LLGL1: variants seen among roughly 807,000 people sequenced by gnomAD.
The protein encoded by LLGL1 is LLGL scribble cell polarity complex component 1, also known as lethal(2) giant larvae protein homolog 1.
In LLGL1, 58 loss-of-function variants were observed where a neutral mutation model predicts 110.6. The observed-to-expected ratio is 0.52, with a 90% CI of 0.42 to 0.65. The LOEUF (loss-of-function observed/expected upper bound fraction) is 0.65. LLGL1 is among the 30% of genes least tolerant of loss of function. The pLI is 0.00. For missense variants in LLGL1, 1,229 were observed against 1,462.1 expected (o/e 0.84, Z 2.60); for synonymous variants, 674 against 607.2 (o/e 1.11, Z -1.62).
At chr17:18,231,369 C>T (rs2047563436) in intron 2 of LLGL1, among the ~76,000 whole-genome samples, 2 of 152,212 alleles carry the variant, frequency 1.3e-5, no homozygotes, top group Admixed American at 6.5e-5. Context: ...TCTCGCCAGG[C>T]TCCTGTAGGG....
Position 18,225,648 on chromosome 17 carries a change from CG to C in LLGL1, c.-33del, listed in dbSNP as rs1028410788. 1 of 960,276 alleles carries C rather than the reference CG, an allele frequency of 1.0e-6. No homozygotes were observed. Among genetic ancestry groups the C allele is most frequent in the African/African-American group, 1.8e-5 (1 of 56,052 alleles). 59.5% of individuals were successfully genotyped at this position (960,276 alleles called of 1,614,324 possible). ...GCCGCGCGGCGCATCCTGCGGGCGG[CG>C]GCGGCGGGCGAGGCGCCTGCAGCCG... On this transcript the variant is annotated 5_prime_UTR_variant, in exon 1 of 23. Coordinates refer to ENST00000316843, the MANE Select transcript of LLGL1 (RefSeq NM_004140.4).
intron 1 of LLGL1, among the ~76,000 whole-genome samples, chr17:18,227,987 C>G (rs923327412): frequency 1.3e-5 from 2 of 152,096 alleles, no homozygotes; most frequent in Non-Finnish European, 2.9e-5. Flanking sequence ...GGGTTCAAAT[C>G]CCAGTCCAGC....
In LLGL1 at chr17:18,236,865, C is replaced by A. The variant is rs751327252; in HGVS notation, c.1537C>A (p.Pro513Thr). The A allele has an allele frequency of 6.2e-7, 1 of 1,613,916 alleles. No individual in the cohort carries two copies. The highest frequency in any genetic ancestry group is 8.5e-7 in the Non-Finnish European group (1 of 1,179,994). ...VGCFDPYSDDPRLGVQKVALC... is the reference protein window; with the variant it reads ...VGCFDPYSDDTRLGVQKVALC... ...CTGCTTCGATCCCTACAGTGACGAT[C>A]CCCGGCTTGGCGTGCAGAAGGTTGC... The change falls in exon 13 of 23, where the codon CCC becomes ACC. Residue 513 changes from proline (P) to threonine (T), a missense_variant. Transcript: ENST00000316843.
chr17:18,228,117 G>A (rs2047491147), intron 1 of LLGL1, among the ~76,000 whole-genome samples: 1 of 152,240 alleles, frequency 6.6e-6, no homozygotes, highest in Admixed American at 6.5e-5. Context: ...GTTAACTCAG[G>A]TGGCTGATAT....
At position 18,237,817 on chromosome 17, in the gene LLGL1, G is replaced by T. The variant is rs765562422; in HGVS notation, c.1904+44G>T. On this transcript the variant is annotated intron_variant, in intron 14 of 22. Transcript: ENST00000316843. ...GCTGGGCAGTTGGAGCCCCCAGCGA[G>T]ATGGGGTCTGGGCTTCCGTTTCCAC... 6 of 1,565,140 alleles carry T rather than the reference G, an allele frequency of 3.8e-6. No individual in the cohort carries two copies. The African/African-American group carries it at 8.1e-5, about 21-fold the overall frequency.
At chr17:18,228,217 A>AG in intron 1 of LLGL1, among the ~76,000 whole-genome samples, 1 of 152,350 alleles carries the variant, frequency 6.6e-6, no homozygotes, top group South Asian at 2.1e-4. Flanking sequence ...CAAATAAAGT[A>AG]GGGCGAGGGG....
chr17:18,237,890 A>G (rs775632115), intron 14 of LLGL1, 117 bp downstream of exon 14: 192 of 1,325,206 alleles, frequency 1.4e-4, no homozygotes, highest in Non-Finnish European at 1.9e-4. Flanking sequence ...TTGCCCTATA[A>G]GAAATAACCT....
chr17:18,235,287 G>GC lies in LLGL1; in HGVS notation c.1264dup (p.Gln422ProfsTer32), dbSNP rs2047667384. ...ATTGTGAGCGCTGGCGAGCAGCAGA[G>GC]CCCCCAGCCTGTCTCCAGTGCCTTG... On this transcript the variant is annotated frameshift_variant, in exon 10 of 23. Transcript: ENST00000316843. LOFTEE classifies it high-confidence loss of function. 1 of 1,610,330 alleles carries GC rather than the reference G, an allele frequency of 6.2e-7. No individual in the cohort carries two copies. Among genetic ancestry groups the GC allele is most frequent in the African/African-American group, 1.3e-5 (1 of 74,944 alleles).
intron 16 of LLGL1, among the ~76,000 whole-genome samples, chr17:18,239,002 C>T (rs2047761623): frequency 6.6e-6 from 1 of 152,138 alleles, no homozygotes; most frequent in Non-Finnish European, 1.5e-5. Context: ...CAGAGTGAGA[C>T]CTTCTCAGAA....
At chr17:18,227,034 G>A (rs1332941286) in intron 1 of LLGL1, among the ~76,000 whole-genome samples, 1 of 152,242 alleles carries the variant, frequency 6.6e-6, no homozygotes, top group African/African-American at 2.4e-5. Context: ...TTGAGGGGCA[G>A]GGATTTTTCC....
chr17:18,226,816 C>A (rs1469845858), intron 1 of LLGL1, among the ~76,000 whole-genome samples: 1 of 152,256 alleles, frequency 6.6e-6, no homozygotes, highest in African/African-American at 2.4e-5. Flanking sequence ...TCCTGGCTCA[C>A]TGCTCTGGGG....
intron 1 of LLGL1, among the ~76,000 whole-genome samples, chr17:18,227,349 A>G (rs557964321): frequency 6.6e-6 from 1 of 150,970 alleles, no homozygotes; most frequent in South Asian, 2.1e-4. Context: ...TGAGAGGAGA[A>G]TGGCCCTTCA....
In LLGL1 at chr17:18,234,864, G is replaced by A; in HGVS notation, c.931G>A (p.Gly311Ser). Residue 311 changes from glycine to serine, a missense_variant, in exon 9 of 23, where the codon GGC (glycine) becomes AGC (serine). By Grantham distance (56) the Gly-to-Ser change is moderately conservative (BLOSUM62 0). Coordinates refer to ENST00000316843, the MANE Select transcript of LLGL1 (RefSeq NM_004140.4). ...GGGCCACTTTATCATCTTCAGCGGT[G>A]GCATGCCCCGTGCCAGCTATGGTGA... ...SGGHFIIFSG[G>S]MPRASYGDRH... The A allele has an allele frequency of 6.2e-7, 1 of 1,614,046 alleles. No individual in the cohort carries two copies. Among genetic ancestry groups the A allele is most frequent in the East Asian group, 2.2e-5 (1 of 44,880 alleles).
At chr17:18,230,172 G>T in intron 2 of LLGL1, 134 bp downstream of exon 2, 3 of 628,006 alleles carry the variant, frequency 4.8e-6, no homozygotes, top group Non-Finnish European at 8.1e-6. Flanking sequence ...CAGTAGTGGG[G>T]GCTTCTGCGG....
intron 1 of LLGL1, among the ~76,000 whole-genome samples, chr17:18,227,958 A>G (rs867338177): frequency 6.6e-5 from 10 of 152,114 alleles, no homozygotes; most frequent in Admixed American, 2.0e-4. Context: ...GTGAGCAGGG[A>G]CTTTGGACTC....
rs374938197 is a variant in LLGL1, at chr17:18,237,749, A to G, written c.1880A>G (p.Gln627Arg). ...CATGGCTTTGGCCTCTTCGACTACC[A>G]GCGCAAGAGCCCTGTGCTGGCCAGG... ...TSHGFGLFDY[Q>R]RKSPVLARCT... Residue 627 changes from glutamine (Q) to arginine (R), a missense_variant, in exon 14 of 23, where the codon CAG becomes CGG. Gln to Arg is a conservative substitution (Grantham distance 43, BLOSUM62 1). Transcript: ENST00000316843. 3.7e-5 allele frequency: 59 copies of G among 1,609,854 alleles called. No individual in the cohort carries two copies. The highest frequency in any genetic ancestry group is 5.0e-5 in the Non-Finnish European group (59 of 1,177,964).
Position 18,242,802 on chromosome 17 carries a change from G to T in LLGL1, c.3176G>T (p.Cys1059Phe). ...CTGGCAGAAGACGAGGCCCACGCCT[G>T]TGCCATCCTGATCAAATGAGGTGCT... Reference protein sequence around the residue: ...RNLAEDEAHACAILIK With the variant: ...RNLAEDEAHAFAILIK Residue 1059 changes from cysteine (C) to phenylalanine (F), a missense_variant, in exon 22 of 23, where the codon TGT becomes TTT. Cys to Phe is a radical substitution (Grantham distance 205). Transcript: ENST00000316843. 2 of 1,557,494 alleles carry T rather than the reference G, an allele frequency of 1.3e-6. No homozygotes were observed. The highest frequency in any genetic ancestry group is 1.4e-5 in the African/African-American group (1 of 73,756).
intron 14 of LLGL1, 80 bp downstream of exon 14, chr17:18,237,853 T>C (rs2047730991): frequency 1.3e-6 from 2 of 1,483,050 alleles, no homozygotes; most frequent in African/African-American, 2.8e-5. Context: ...CTCTAGTGTT[T>C]GGTGTGGCAA....
Position 18,234,959 on chromosome 17 carries a change from C to T in LLGL1, c.1026C>T (p.Asp342=), listed in dbSNP as rs763070749. The change falls in exon 9 of 23, where the codon GAC becomes GAT. Residue 342 remains aspartate, a synonymous_variant. Coordinates refer to ENST00000316843, the MANE Select transcript of LLGL1 (RefSeq NM_004140.4). ...VTLDFTSRII[D]FFTVHSTRPE... is the part of the protein sequence containing the mutation. ...TGGACTTCACTTCCCGCATCATCGA[C>T]TTCTTCACAGTGCACAGCACACGGC... The T allele has an allele frequency of 6.2e-7, 1 of 1,614,116 alleles. No individual in the cohort carries two copies. The highest frequency in any genetic ancestry group is 8.5e-7 in the Non-Finnish European group (1 of 1,180,024).
Sources: allele counts gnomAD v4.1 joint callset (sites outside exome capture counted in the v4.1 genomes callset), GRCh38; gene constraint gnomAD v4.1.1; transcripts MANE v1.5; gene names NCBI Gene and HGNC (gene_info 2026-07-23, HGNC 2026-07-21).